Variants in RBBP4 observed in about 807,000 individuals in gnomAD.
RBBP4 encodes histone-binding protein RBBP4.
In RBBP4, 3 loss-of-function variants were observed where a neutral mutation model predicts 57.2. That is an observed-to-expected ratio of 0.05 (90% CI 0.02 to 0.14). The LOEUF (loss-of-function observed/expected upper bound fraction) is 0.14. Among genes scored for constraint, RBBP4 ranks in the 10% least tolerant of loss-of-function variants. The pLI is 1.00. For missense variants in RBBP4, 107 were observed against 520.6 expected (o/e 0.21, Z 7.73); for synonymous variants, 151 against 171.5 (o/e 0.88, Z 0.93).
intron 11 of RBBP4, among the ~76,000 whole-genome samples, chr1:32,673,895 G>A (rs531312612): frequency 1.2e-4 from 18 of 152,108 alleles, no homozygotes; most frequent in African/African-American, 3.1e-4. Flanking sequence ...TCAGGAGATC[G>A]AGACCATCCT....
In RBBP4 at chr1:32,683,680, C is replaced by T. The variant is rs1227703909; in HGVS notation, c.*3975C>T. 3 of 210,464 alleles carry T rather than the reference C, an allele frequency of 1.4e-5. No individual in the cohort carries two copies. Among genetic ancestry groups the T allele is most frequent in the Non-Finnish European group, 2.9e-5 (3 of 104,308 alleles). 13.0% of individuals were successfully genotyped at this position (210,464 alleles called of 1,614,324 possible). ...AGGCAGTCTCACTCTGTTGTACAAGCTGGAGTGCTGTATTGTGATCTTGAC... is the reference window on the plus strand; with the variant it reads ...AGGCAGTCTCACTCTGTTGTACAAGTTGGAGTGCTGTATTGTGATCTTGAC... On this transcript the variant is annotated 3_prime_UTR_variant, in exon 12 of 12. Transcript: ENST00000373493.
chr1:32,673,266 T>G (rs555093091), intron 11 of RBBP4, among the ~76,000 whole-genome samples: 1 of 152,288 alleles, frequency 6.6e-6, no homozygotes, highest in African/African-American at 2.4e-5. Flanking sequence ...TTTCATACCA[T>G]CTATCTGCGG....
In RBBP4 at chr1:32,686,178, A is replaced by G. The variant is rs1366640490; in HGVS notation, c.*6473A>G. On this transcript the variant is annotated 3_prime_UTR_variant, in exon 12 of 12. Transcript: ENST00000373493. ...TGATACTGATTACATGTTGAAATAT[A>G]TGTGTTGGGTTAAATAAAATGCATT... 6.6e-6 allele frequency: 1 copy of G among 152,220 alleles called. No homozygotes were observed. The highest frequency in any genetic ancestry group is 1.9e-4 in the East Asian group (1 of 5,196). The allele number at this position is 152,220 out of a possible 1,614,324, so 9.4% of individuals were successfully genotyped here.
intron 3 of RBBP4, among the ~76,000 whole-genome samples, chr1:32,667,902 G>T (rs1364576169): frequency 6.6e-6 from 1 of 152,044 alleles, no homozygotes; most frequent in Non-Finnish European, 1.5e-5. Flanking sequence ...TATATTGTTC[G>T]GGGATAATGA....
intron 3 of RBBP4, among the ~76,000 whole-genome samples, chr1:32,659,054 AAT>A (rs1033175013): frequency 1.4e-5 from 2 of 147,096 alleles, no homozygotes; most frequent in Non-Finnish European, 1.5e-5. Context: ...TTTATATATA[AAT>A]ATATAAATTA....
chr1:32,656,844 A>C (rs1049580891), intron 2 of RBBP4, among the ~76,000 whole-genome samples: 3 of 152,104 alleles, frequency 2.0e-5, no homozygotes, highest in Admixed American at 6.6e-5. Flanking sequence ...CTTTTTAATG[A>C]AAGTTTTAGT....
chr1:32,656,103 A>G (rs114964629), intron 2 of RBBP4, among the ~76,000 whole-genome samples: 2,553 of 152,300 alleles, frequency 0.017, 27 homozygotes, highest in Non-Finnish European at 0.024. Flanking sequence ...GTGCTTTCCC[A>G]TATCAGAAGT....
Position 32,680,290 on chromosome 1 carries a change from A to G in RBBP4, c.*585A>G. 2 of 1,241,254 alleles carry G rather than the reference A, an allele frequency of 1.6e-6. No individual in the cohort carries two copies. Among genetic ancestry groups the G allele is most frequent in the Non-Finnish European group, 2.0e-6 (2 of 995,292 alleles). 76.9% of individuals were successfully genotyped at this position (1,241,254 alleles called of 1,614,324 possible). On this transcript the variant is annotated 3_prime_UTR_variant, in exon 12 of 12. Coordinates refer to ENST00000373493, the MANE Select transcript of RBBP4 (RefSeq NM_005610.3). Reference sequence around the variant, plus strand: ...TTCATATATTTTTGCTCGTTAGTGTATTTCTTGAGCTGTTTTCATGTTGTT... The same window carrying G: ...TTCATATATTTTTGCTCGTTAGTGTGTTTCTTGAGCTGTTTTCATGTTGTT...
At chr1:32,662,300 T>C in intron 3 of RBBP4, 1 of 248,290 alleles carries the variant, frequency 4.0e-6, no homozygotes, top group South Asian at 3.3e-5. Context: ...GTTCAAGTGA[T>C]TCTCCTGCCT....
Position 32,674,767 on chromosome 1 carries a change from AC to A in RBBP4, c.1212+1869del, listed in dbSNP as rs892647813. Among the ~76,000 whole-genome samples the A allele has an allele frequency of 4.7e-5, 7 of 149,244 alleles. 1 individual carries two copies. Among genetic ancestry groups the A allele is most frequent in the Admixed American group, 4.0e-4 (6 of 14,852 alleles). On this transcript the variant is annotated intron_variant, in intron 11 of 11. Transcript: ENST00000373493. ...TTCTGAGACAGAGTCTCACTGCCTC[AC>A]CCAGGCTGGAGTTCAGTAGAGCAAT...
At chr1:32,674,530 C>T (rs188919798) in intron 11 of RBBP4, among the ~76,000 whole-genome samples, 25 of 151,766 alleles carry the variant, frequency 1.6e-4, no homozygotes, top group African/African-American at 5.6e-4. Flanking sequence ...ACCCGCCCCC[C>T]ACTTTTTTTT....
intron 2 of RBBP4, among the ~76,000 whole-genome samples, chr1:32,654,231 G>A (rs938854377): frequency 3.3e-5 from 5 of 152,002 alleles, no homozygotes; most frequent in Non-Finnish European, 7.4e-5. Context: ...AATATTATCC[G>A]GGCATGGTGG....
intron 1 of RBBP4, chr1:32,651,625 G>T (rs1647678681): frequency 1.2e-5 from 10 of 818,082 alleles, no homozygotes; most frequent in Admixed American, 3.3e-5. Flanking sequence ...TACCCACAAG[G>T]CTCGGAGCTC....
Position 32,684,199 on chromosome 1 carries a change from C to T in RBBP4, c.*4494C>T. 1 of 1,608,606 alleles carries T rather than the reference C, an allele frequency of 6.2e-7. No individual in the cohort carries two copies. Among genetic ancestry groups the T allele is most frequent in the Admixed American group, 1.7e-5 (1 of 59,620 alleles). On this transcript the variant is annotated 3_prime_UTR_variant, in exon 12 of 12. Coordinates refer to ENST00000373493, the MANE Select transcript of RBBP4 (RefSeq NM_005610.3). ...ATTCTAAGGTAAAATTTTCCCTAAG[C>T]CCTCCCACCATCCCCTCAGCCAGTA...
chr1:32,679,749 C>G lies in RBBP4; in HGVS notation c.*44C>G. 6.2e-7 allele frequency: 1 copy of G among 1,609,486 alleles called. No individual in the cohort carries two copies. Among genetic ancestry groups the G allele is most frequent in the Non-Finnish European group, 8.5e-7 (1 of 1,178,216 alleles). On this transcript the variant is annotated 3_prime_UTR_variant, in exon 12 of 12. Coordinates refer to ENST00000373493, the MANE Select transcript of RBBP4 (RefSeq NM_005610.3). Reference sequence around the variant, plus strand: ...TGATTTTAGACTCCCCTTTTTTCTTCTCAACCCTGAGAGTGATTTAACACT... The same window carrying G: ...TGATTTTAGACTCCCCTTTTTTCTTGTCAACCCTGAGAGTGATTTAACACT...
intron 11 of RBBP4, among the ~76,000 whole-genome samples, chr1:32,674,327 G>A (rs370015004): frequency 6.6e-6 from 1 of 152,054 alleles, no homozygotes; most frequent in African/African-American, 2.4e-5. Context: ...TCCAATTCCC[G>A]GGCTCAAGAC....
At chr1:32,664,581 C>G (rs1461806871) in intron 3 of RBBP4, among the ~76,000 whole-genome samples, 1 of 151,844 alleles carries the variant, frequency 6.6e-6, no homozygotes, top group Non-Finnish European at 1.5e-5. Context: ...GTCTCCTGAG[C>G]AGCTGGGACT....
At chr1:32,655,464 CCTT>C (rs1462873412) in intron 2 of RBBP4, among the ~76,000 whole-genome samples, 1 of 152,202 alleles carries the variant, frequency 6.6e-6, no homozygotes, top group African/African-American at 2.4e-5. Flanking sequence ...TCTTGTCTAA[CCTT>C]CTACATACAG....
At chr1:32,677,728 T>C (rs1194635803) in intron 11 of RBBP4, among the ~76,000 whole-genome samples, 1 of 152,082 alleles carries the variant, frequency 6.6e-6, no homozygotes, top group Non-Finnish European at 1.5e-5. Context: ...ACCCAGTTGG[T>C]GTCCTAAGAA....
Sources: allele counts gnomAD v4.1 joint callset (sites outside exome capture counted in the v4.1 genomes callset), GRCh38; gene constraint gnomAD v4.1.1; transcripts MANE v1.5; gene names NCBI Gene and HGNC (gene_info 2026-07-23, HGNC 2026-07-21).